Variants in IMPG2 observed in about 807,000 individuals in gnomAD.
The protein encoded by IMPG2 is interphotoreceptor matrix proteoglycan 2.
Under a neutral mutation model 129.2 loss-of-function variants are expected in IMPG2, and 91 were observed. That is an observed-to-expected ratio of 0.70 (90% CI 0.59 to 0.84). The LOEUF (loss-of-function observed/expected upper bound fraction) is 0.84. Ranked by LOEUF, IMPG2 falls within the 40% of genes least tolerant of loss-of-function variation. The pLI, the probability that IMPG2 is intolerant of heterozygous loss-of-function variation, is 0.00. For missense variants in IMPG2, 1,430 were observed against 1,461.7 expected, an observed-to-expected ratio of 0.98 and a Z score of 0.35; for synonymous variants, 510 against 517.7, an observed-to-expected ratio of 0.99 and a Z score of 0.20.
chr3:101,289,054 T>A (rs1706977140), intron 4 of IMPG2, among the ~76,000 whole-genome samples: 1 of 152,216 alleles, frequency 6.6e-6, no homozygotes, highest in Non-Finnish European at 1.5e-5. Context: ...TCCTCAAGAA[T>A]GTTACCTATT....
At chr3:101,263,633 A>G (rs1349141355) in intron 9 of IMPG2, among the ~76,000 whole-genome samples, 1 of 152,038 alleles carries the variant, frequency 6.6e-6, no homozygotes, top group Non-Finnish European at 1.5e-5. Context: ...TTAACAATGC[A>G]TCTCAAAGAA....
intron 15 of IMPG2, among the ~76,000 whole-genome samples, chr3:101,231,481 T>G (rs1249276810): frequency 6.6e-6 from 1 of 152,212 alleles, no homozygotes; most frequent in Non-Finnish European, 1.5e-5. Context: ...GCCATACAAT[T>G]AGTCTGCTGC....
intron 4 of IMPG2, among the ~76,000 whole-genome samples, chr3:101,285,398 TC>T (rs2107121449): frequency 6.6e-6 from 1 of 152,358 alleles, no homozygotes; most frequent in African/African-American, 2.4e-5. Flanking sequence ...GACTTCCTGC[TC>T]TTCTAGGAAT....
At position 101,226,005 on chromosome 3, in the gene IMPG2, G is replaced by A. The variant is rs1358888041; in HGVS notation, c.*964C>T. The A allele has an allele frequency of 6.5e-6, 1 of 154,530 alleles. No individual in the cohort carries two copies. Among genetic ancestry groups the A allele is most frequent in the Non-Finnish European group, 1.5e-5 (1 of 68,190 alleles). The allele number at this position is 154,530 out of a possible 1,614,324, so 9.6% of individuals were successfully genotyped here. A position where few individuals can be genotyped will look rare whatever the true frequency, so the allele number is the denominator to read the frequency against. ...GAAAATGAGCTCATCTATATTATGTGAGGTAGTTAAGTGCTGTTTTCCAAA... is the reference window on the plus strand; with the variant it reads ...GAAAATGAGCTCATCTATATTATGTAAGGTAGTTAAGTGCTGTTTTCCAAA... On this transcript the variant is annotated 3_prime_UTR_variant, in exon 19 of 19. Transcript: ENST00000193391.
intron 14 of IMPG2, among the ~76,000 whole-genome samples, chr3:101,241,248 G>T (rs1706403422): frequency 6.6e-6 from 1 of 152,164 alleles, no homozygotes; most frequent in Non-Finnish European, 1.5e-5. Context: ...AAAACTGACA[G>T]GAAAGACTCA....
rs769275832 is a variant in IMPG2, at chr3:101,243,510, T to C, written c.2802+19A>G. ...ACATGATTATTCACTAGTGCCCATGTTTCACTTTTTATGCTTACCAATTCT... is the reference window on the plus strand; with the variant it reads ...ACATGATTATTCACTAGTGCCCATGCTTCACTTTTTATGCTTACCAATTCT... On this transcript the variant is annotated intron_variant, in intron 13 of 18. Transcript: ENST00000193391. 2 of 1,611,186 alleles carry C rather than the reference T, an allele frequency of 1.2e-6. No individual in the cohort carries two copies. Among genetic ancestry groups the C allele is most frequent in the Admixed American group, 1.7e-5 (1 of 59,928 alleles).
Position 101,224,941 on chromosome 3 carries a change from C to G in IMPG2, c.*2028G>C, listed in dbSNP as rs1198960809. 1 of 152,260 alleles carries G rather than the reference C, an allele frequency of 6.6e-6. No individual in the cohort carries two copies. The highest frequency in any genetic ancestry group is 1.5e-5 in the Non-Finnish European group (1 of 68,050). 9.4% of individuals were successfully genotyped at this position (152,260 alleles called of 1,614,324 possible). A position where few individuals can be genotyped will look rare whatever the true frequency, so the allele number is the denominator to read the frequency against. On this transcript the variant is annotated 3_prime_UTR_variant, in exon 19 of 19. Transcript: ENST00000193391. ...GTGGAAAACAACAACCCTCCTCTGGCTCAGTTCGTGCTTCTCCTAAGTGTT... is the reference window on the plus strand; with the variant it reads ...GTGGAAAACAACAACCCTCCTCTGGGTCAGTTCGTGCTTCTCCTAAGTGTT...
chr3:101,282,134 G>A (rs1042376150), intron 4 of IMPG2, among the ~76,000 whole-genome samples: 33 of 152,122 alleles, frequency 2.2e-4, no homozygotes, highest in Admixed American at 1.6e-3. Flanking sequence ...GGAGTTAATG[G>A]AGTAGTGACA....
At chr3:101,318,458 C>A (rs1187729522) in intron 2 of IMPG2, among the ~76,000 whole-genome samples, 1 of 151,894 alleles carries the variant, frequency 6.6e-6, no homozygotes, top group East Asian at 1.9e-4. Context: ...CATTGTACTA[C>A]TTTAACAAAA....
At position 101,292,658 on chromosome 3, in the gene IMPG2, C is replaced by T. The variant is rs114237830; in HGVS notation, c.502-1148G>A. Among the ~76,000 whole-genome samples the T allele has an allele frequency of 5.3e-3, 814 of 152,188 alleles. 7 individuals carry two copies. The highest frequency in any genetic ancestry group is 0.017 in the African/African-American group (714 of 41,528). On this transcript the variant is annotated intron_variant, in intron 3 of 18. Coordinates refer to ENST00000193391, the MANE Select transcript of IMPG2 (RefSeq NM_016247.4). ...AAAAATAAGACAACAATGAATTTGG[C>T]CCCATCAATTGATTTTTTCTTTCAC...
chr3:101,276,603 G>T, intron 5 of IMPG2, 61 bp downstream of exon 5: 2 of 1,120,174 alleles, frequency 1.8e-6, no homozygotes, highest in Non-Finnish European at 1.4e-6. Flanking sequence ...ACTTGTTTGT[G>T]AGCCTGTCTT....
intron 11 of IMPG2, among the ~76,000 whole-genome samples, chr3:101,251,094 T>C (rs1706539261): frequency 6.6e-6 from 1 of 152,142 alleles, no homozygotes; most frequent in Non-Finnish European, 1.5e-5. Context: ...AAAAAATTCA[T>C]GTGAGATAGC....
rs201924170 is a variant in IMPG2 at position 101,246,045 on chromosome 3, G to A, written c.1300C>T (p.Pro434Ser). Reference sequence around the variant, plus strand: ...GGAGGACCAGAGCTGAAATCAAGTGGTGGAATACTGCTGGTGATGGATTCA... The same window carrying A: ...GGAGGACCAGAGCTGAAATCAAGTGATGGAATACTGCTGGTGATGGATTCA... Reference protein sequence around the residue: ...ADESITSSIPPLDFSSGPPSA... With the variant: ...ADESITSSIPSLDFSSGPPSA... Residue 434 changes from proline (P) to serine (S), a missense_variant, in exon 12 of 19, where the codon CCA becomes TCA. Pro to Ser is a moderately conservative substitution (Grantham distance 74). Coordinates refer to ENST00000193391, the MANE Select transcript of IMPG2 (RefSeq NM_016247.4). The A allele has an allele frequency of 1.2e-4, 193 of 1,614,124 alleles. No individual in the cohort carries two copies. In the Middle Eastern group the frequency reaches 2.0e-3, roughly 17 times the overall value.
rs1346589960 is a variant in IMPG2 at position 101,304,270 on chromosome 3, T to C, written c.377A>G (p.Asp126Gly). The change falls in exon 3 of 19, where the codon GAT becomes GGT. Residue 126 changes from aspartate (D) to glycine (G), a missense_variant. Transcript: ENST00000193391. ...ATATTCCTCACGCCCAGGAAGTCGA[T>C]CCCAAAAAGTCCTGAAGGCTTCCCA... ...AVWEAFRTFW[D>G]RLPGREEYHY... is the part of the protein sequence containing the mutation. 1.2e-6 allele frequency: 2 copies of C among 1,613,904 alleles called. No homozygotes were observed. Among genetic ancestry groups the C allele is most frequent in the Non-Finnish European group, 1.7e-6 (2 of 1,179,786 alleles).
At chr3:101,301,799 C>A (rs1707142121) in intron 3 of IMPG2, among the ~76,000 whole-genome samples, 1 of 152,190 alleles carries the variant, frequency 6.6e-6, no homozygotes, top group South Asian at 2.1e-4. Context: ...ACTGATGCAA[C>A]ACCCTACCTT....
At position 101,232,967 on chromosome 3, in the gene IMPG2, A is replaced by G; in HGVS notation, c.3047T>C (p.Phe1016Ser). 6.2e-7 allele frequency: 1 copy of G among 1,614,072 alleles called. No homozygotes were observed. Among genetic ancestry groups the G allele is most frequent in the Non-Finnish European group, 8.5e-7 (1 of 1,179,986 alleles). ...ESGDEANPCK[F>S]QACNEFSECL... ...CTCTGAAAATTCATTACAGGCCTGA[A>G]ACTTGCAAGGGTTGGCTTCATCACC... The change falls in exon 15 of 19, where the codon TTT (phenylalanine) becomes TCT (serine). Residue 1016 changes from phenylalanine (F) to serine (S), a missense_variant. By Grantham distance (155) the Phe-to-Ser change is radical. Transcript: ENST00000193391.
chr3:101,256,193 G>GAAAGAAAGAAAGAAAGAAAGA (rs1559646409), intron 10 of IMPG2, among the ~76,000 whole-genome samples: 120 of 148,278 alleles, frequency 8.1e-4, no homozygotes, highest in African/African-American at 2.9e-3. Flanking sequence ...AAGAAAGAAA[G>GAAAGAAAGAAAGAAAGAAAGA]AAAGAAAGAA....
chr3:101,296,389 C>G (rs1450874232), intron 3 of IMPG2, among the ~76,000 whole-genome samples: 1 of 152,180 alleles, frequency 6.6e-6, no homozygotes, highest in Non-Finnish European at 1.5e-5. Flanking sequence ...TATGTTAAAG[C>G]AGCCTTGAAT....
chr3:101,246,627 T>C (rs893091875), intron 11 of IMPG2, among the ~76,000 whole-genome samples: 1 of 152,186 alleles, frequency 6.6e-6, no homozygotes, highest in Non-Finnish European at 1.5e-5. Flanking sequence ...CTCAAATGAA[T>C]AGCCACTCCT....
Sources: allele counts gnomAD v4.1 joint callset (sites outside exome capture counted in the v4.1 genomes callset), GRCh38; gene constraint gnomAD v4.1.1; transcripts MANE v1.5; gene names NCBI Gene and HGNC (gene_info 2026-07-23, HGNC 2026-07-21).